LYN: variants seen among roughly 807,000 people sequenced by gnomAD.
LYN encodes the protein tyrosine-protein kinase Lyn.
In LYN, 12 loss-of-function variants were observed where a neutral mutation model predicts 65.0. That is an observed-to-expected ratio of 0.18 (90% CI 0.12 to 0.30). The LOEUF (loss-of-function observed/expected upper bound fraction) is 0.30, where lower values mean the gene tolerates loss of function less well. LYN is among the 10% of genes least tolerant of loss of function. The pLI, the probability that LYN is intolerant of heterozygous loss-of-function variation, is 1.00. For missense variants in LYN, 380 were observed against 623.2 expected (o/e 0.61, Z 4.16); for synonymous variants, 222 against 221.2 (o/e 1.00, Z -0.03).
chr8:55,972,281 T>C (rs1008933539), intron 10 of LYN, among the ~76,000 whole-genome samples: 2 of 152,188 alleles, frequency 1.3e-5, no homozygotes, highest in Non-Finnish European at 2.9e-5. Context: ...TTTGAGTTCA[T>C]CTTTGCTCAA....
intron 1 of LYN, among the ~76,000 whole-genome samples, chr8:55,940,840 G>C (rs1407679201): frequency 1.3e-5 from 2 of 152,164 alleles, no homozygotes; most frequent in African/African-American, 2.4e-5. Context: ...GATGTGCACC[G>C]TGTGTTGTTC....
At chr8:55,960,659 T>G (rs1485742911) in intron 8 of LYN, among the ~76,000 whole-genome samples, 1 of 152,248 alleles carries the variant, frequency 6.6e-6, no homozygotes, top group Non-Finnish European at 1.5e-5. Flanking sequence ...TCTCAAAGGA[T>G]AAGCAGGCCA....
At chr8:56,002,524 C>T (rs1362278200) in intron 12 of LYN, among the ~76,000 whole-genome samples, 1 of 151,390 alleles carries the variant, frequency 6.6e-6, no homozygotes, top group African/African-American at 2.4e-5. Context: ...ATCGCTTGAA[C>T]CCAGGAGGTA....
At chr8:55,894,815 G>A (rs10958473) in intron 1 of LYN, among the ~76,000 whole-genome samples, 58,984 of 151,736 alleles carry the variant, frequency 0.39, 12,169 homozygotes, top group East Asian at 0.68. Context: ...GATTACAGGC[G>A]TGAGCCACCA....
intron 1 of LYN, among the ~76,000 whole-genome samples, chr8:55,934,786 C>G (rs1029824828): frequency 3.9e-5 from 6 of 152,344 alleles, no homozygotes; most frequent in Admixed American, 6.5e-5. Context: ...ACCTCACCCC[C>G]CTTTCCCAAT....
At chr8:55,942,481 G>A (rs1242423289) in intron 2 of LYN, among the ~76,000 whole-genome samples, 1 of 149,788 alleles carries the variant, frequency 6.7e-6, no homozygotes, top group Non-Finnish European at 1.5e-5. Flanking sequence ...ACATAGGCTT[G>A]TGTGACTCAA....
chr8:55,935,352 G>A (rs1387768039), intron 1 of LYN, among the ~76,000 whole-genome samples: 1 of 152,122 alleles, frequency 6.6e-6, no homozygotes, highest in Non-Finnish European at 1.5e-5. Context: ...CTGGCTGCTG[G>A]GAGATTTTAT....
At chr8:55,964,407 A>G (rs1450481409) in intron 8 of LYN, among the ~76,000 whole-genome samples, 2 of 152,174 alleles carry the variant, frequency 1.3e-5, no homozygotes, top group African/African-American at 2.4e-5. Context: ...CCAAAGTGGA[A>G]TACAAAATAA....
chr8:55,944,118 A>G (rs1806706760), intron 2 of LYN, among the ~76,000 whole-genome samples: 1 of 152,202 alleles, frequency 6.6e-6, no homozygotes, highest in Non-Finnish European at 1.5e-5. Flanking sequence ...AAGAGTGGAT[A>G]TATCATGCTA....
At chr8:55,991,596 C>A (rs771539123) in intron 10 of LYN, among the ~76,000 whole-genome samples, 1 of 151,924 alleles carries the variant, frequency 6.6e-6, no homozygotes, top group Non-Finnish European at 1.5e-5. Context: ...TCACCAGAAC[C>A]CCCCACCCCC....
chr8:55,886,779 A>G (rs1804809691), intron 1 of LYN, among the ~76,000 whole-genome samples: 1 of 152,258 alleles, frequency 6.6e-6, no homozygotes, highest in South Asian at 2.1e-4. Context: ...GTTTCAGGGC[A>G]CATGTGATAA....
rs2130583447 is a variant in LYN, at chr8:55,998,401, G to A, written c.1106G>A (p.Arg369Gln). The A allele has an allele frequency of 6.2e-7, 1 of 1,614,064 alleles. No homozygotes were observed. Among genetic ancestry groups the A allele is most frequent in the African/African-American group, 1.3e-5 (1 of 75,034 alleles). Residue 369 changes from arginine (R) to glutamine (Q), a missense_variant, in exon 11 of 13, where the codon CGA (arginine) becomes CAA (glutamine). Arg to Gln is a conservative substitution (Grantham distance 43). This residue lies in a region of LYN where 223 missense variants were observed against 430.0 expected (regional missense o/e 0.52). Coordinates refer to ENST00000519728, the MANE Select transcript of LYN (RefSeq NM_002350.4). ...AAGAACTACATTCACCGGGACCTGC[G>A]AGCAGCTAATGTTCTGGTCTCCGAG... ...ERKNYIHRDL[R>Q]AANVLVSESL...
intron 1 of LYN, chr8:55,940,121 T>C (rs1486101052): frequency 2.6e-5 from 4 of 152,236 alleles, no homozygotes; most frequent in Non-Finnish European, 5.9e-5. Context: ...GGTTTCTTAG[T>C]ACAATTCCTC....
intron 1 of LYN, among the ~76,000 whole-genome samples, chr8:55,914,402 A>AGTG (rs1257810268): frequency 6.6e-6 from 1 of 152,148 alleles, no homozygotes; most frequent in Non-Finnish European, 1.5e-5. Flanking sequence ...GCTCCCCTAA[A>AGTG]GTGAGAGTGG....
intron 1 of LYN, among the ~76,000 whole-genome samples, chr8:55,901,862 G>A (rs1027989): frequency 6.6e-6 from 1 of 152,102 alleles, no homozygotes; most frequent in Non-Finnish European, 1.5e-5. Flanking sequence ...GAACCTAAAT[G>A]AAAAATGACT....
At position 56,011,173 on chromosome 8, in the gene LYN, T is replaced by C. The variant is rs1808806099; in HGVS notation, c.*1063T>C. On this transcript the variant is annotated 3_prime_UTR_variant, in exon 13 of 13. Transcript: ENST00000519728. ...TGTAGCATGTGTATGAGACTATTTA[T>C]ACCCAAGGATATGAAGGAACATAAG... is the stretch of plus-strand genomic sequence containing the variant. 4.4e-6 allele frequency: 1 copy of C among 227,718 alleles called. No individual in the cohort carries two copies. The highest frequency in any genetic ancestry group is 5.7e-5 in the Admixed American group (1 of 17,600). 14.1% of individuals were successfully genotyped at this position (227,718 alleles called of 1,614,324 possible).
chr8:55,984,837 G>A (rs1344079679), intron 10 of LYN, among the ~76,000 whole-genome samples: 1 of 152,250 alleles, frequency 6.6e-6, no homozygotes, highest in East Asian at 1.9e-4. Context: ...CAGTCATGAT[G>A]TAGATTTGCT....
intron 7 of LYN, among the ~76,000 whole-genome samples, chr8:55,953,367 G>T (rs1807007901): frequency 6.6e-6 from 1 of 152,250 alleles, no homozygotes; most frequent in Admixed American, 6.5e-5. Flanking sequence ...TAAATTTCAG[G>T]CCGGGCTTGG....
chr8:55,968,179 G>A (rs762899320), intron 9 of LYN, among the ~76,000 whole-genome samples: 6 of 152,094 alleles, frequency 3.9e-5, no homozygotes, highest in Non-Finnish European at 7.4e-5. Context: ...AGTAAATATT[G>A]TTGAATTAAT....
Sources: allele counts gnomAD v4.1 joint callset (sites outside exome capture counted in the v4.1 genomes callset), GRCh38; gene constraint gnomAD v4.1.1; regional missense constraint gnomAD v4.1.1; transcripts MANE v1.5; gene names NCBI Gene and HGNC (gene_info 2026-07-23, HGNC 2026-07-21).